Variants in CMSS1 observed in about 807,000 individuals in gnomAD.
CMSS1 encodes the protein protein CMSS1.
A neutral mutation model predicts 43.5 loss-of-function variants in CMSS1; 33 were observed. That is an observed-to-expected ratio of 0.76 (90% confidence interval 0.57 to 1.01). The LOEUF (loss-of-function observed/expected upper bound fraction) is 1.01, where lower values mean the gene tolerates loss of function less well. Among genes scored for constraint, CMSS1 ranks in the 50% least tolerant of loss-of-function variants. The pLI, the probability that CMSS1 is intolerant of heterozygous loss-of-function variation, is 0.00. For missense variants in CMSS1, 313 were observed against 326.4 expected (o/e 0.96, Z 0.32); for synonymous variants, 115 against 117.2 (o/e 0.98, Z 0.12).
intron 1 of CMSS1, among the ~76,000 whole-genome samples, chr3:99,844,195 C>T (rs192754389): frequency 7.4e-4 from 113 of 152,214 alleles, no homozygotes; most frequent in African/African-American, 2.6e-3. Context: ...TTTGAAGTAC[C>T]GTTTTAGGGC....
chr3:99,862,742 C>T (rs919990848), intron 1 of CMSS1, among the ~76,000 whole-genome samples: 5 of 152,238 alleles, frequency 3.3e-5, no homozygotes, highest in South Asian at 4.1e-4. Context: ...TCTTTGTGTT[C>T]GTTGTCTCTG....
chr3:100,044,578 A>C (rs147645352), intron 1 of CMSS1, among the ~76,000 whole-genome samples: 2 of 152,312 alleles, frequency 1.3e-5, no homozygotes, highest in Non-Finnish European at 2.9e-5. Flanking sequence ...CCAGTGAAAG[A>C]GAGGGAAGTA....
chr3:99,973,669 T>G (rs554823673), intron 1 of CMSS1, among the ~76,000 whole-genome samples: 1 of 152,206 alleles, frequency 6.6e-6, no homozygotes. Context: ...GTAAGAAGAA[T>G]AATAAACACA....
chr3:100,090,617 C>T (rs1286286236), intron 1 of CMSS1, among the ~76,000 whole-genome samples: 2 of 152,178 alleles, frequency 1.3e-5, no homozygotes, highest in African/African-American at 4.8e-5. Context: ...CCAAAGCCTT[C>T]CTGGTGTTGC....
rs1202765203 is a variant in CMSS1 at position 100,171,866 on chromosome 3, CAA to C, written c.548_549del (p.Lys183SerfsTer34). 2 of 1,613,880 alleles carry C rather than the reference CAA, an allele frequency of 1.2e-6. No individual in the cohort carries two copies. The highest frequency in any genetic ancestry group is 1.7e-5 in the Admixed American group (1 of 59,938). On this transcript the variant is annotated frameshift_variant, in exon 7 of 10. Transcript: ENST00000421999. LOFTEE classifies it high-confidence loss of function. Reference protein sequence around the residue: ...RSMTAFRGDGKVIKLFAKHIK... With the variant: ...RSMTAFRGDGXVIKLFAKHIK... ...CGATGACAGCATTCAGAGGAGACGG[CAA>C]AGTTATAAAATTATTTGCAAAGCAC...
At chr3:99,833,007 C>T in intron 1 of CMSS1, 2 of 518,978 alleles carry the variant, frequency 3.9e-6, no homozygotes, top group Non-Finnish European at 3.4e-6. Flanking sequence ...ATTTGGAATG[C>T]ATATTGCAAG....
At chr3:100,166,299 A>C in intron 4 of CMSS1, 36 bp from the exon 5 acceptor site, 1 of 1,420,562 alleles carries the variant, frequency 7.0e-7, no homozygotes. Flanking sequence ...GTGTGTTTAC[A>C]AAATTATCTA....
intron 1 of CMSS1, among the ~76,000 whole-genome samples, chr3:99,872,906 G>C (rs1228646322): frequency 6.6e-6 from 1 of 151,804 alleles, no homozygotes; most frequent in Non-Finnish European, 1.5e-5. Context: ...AGGTCAAGGA[G>C]AATCTCAAGT....
intron 1 of CMSS1, among the ~76,000 whole-genome samples, chr3:99,958,409 A>G (rs1272395569): frequency 2.0e-5 from 3 of 152,082 alleles, no homozygotes; most frequent in Non-Finnish European, 4.4e-5. Flanking sequence ...AAAAGCTGCT[A>G]CAGTGGGCAG....
At chr3:99,925,850 C>G (rs527975839) in intron 1 of CMSS1, 1 of 985,388 alleles carries the variant, frequency 1.0e-6, no homozygotes, top group African/African-American at 1.7e-5. Flanking sequence ...GACAGCCAAG[C>G]TCACTGGGCT....
intron 1 of CMSS1, 82 bp downstream of exon 1, chr3:99,818,125 C>G: frequency 1.4e-6 from 2 of 1,388,462 alleles, no homozygotes; most frequent in Non-Finnish European, 2.0e-6. Flanking sequence ...TTCTGGCGAT[C>G]GCGGTGTTTG....
intron 1 of CMSS1, among the ~76,000 whole-genome samples, chr3:100,028,397 A>G (rs1377012581): frequency 6.6e-6 from 1 of 152,178 alleles, no homozygotes; most frequent in Non-Finnish European, 1.5e-5. Context: ...GGTTATTGCT[A>G]TATTCCAGGC....
intron 1 of CMSS1, among the ~76,000 whole-genome samples, chr3:99,922,456 G>GA (rs1707155230): frequency 6.6e-6 from 1 of 152,056 alleles, no homozygotes; most frequent in Non-Finnish European, 1.5e-5. Flanking sequence ...GCCGTGTAGT[G>GA]AAAAATAAAC....
chr3:99,983,430 A>G (rs1218105896), intron 1 of CMSS1, among the ~76,000 whole-genome samples: 36 of 93,728 alleles, frequency 3.8e-4, no homozygotes, highest in African/African-American at 1.7e-3. Flanking sequence ...GTATGTATGT[A>G]TGTATATATA....
intron 1 of CMSS1, among the ~76,000 whole-genome samples, chr3:99,963,848 T>C (rs9817005): frequency 0.73 from 111,663 of 151,938 alleles, 41,739 homozygotes; most frequent in African/African-American, 0.88. Flanking sequence ...GAACTCCTCA[T>C]CTTGTGATCT....
chr3:100,110,036 T>C (rs549570145), intron 1 of CMSS1: 1 of 151,024 alleles, frequency 6.6e-6, no homozygotes, highest in East Asian at 2.0e-4. Context: ...TCATCTGAAA[T>C]AGAACCAGCC....
chr3:100,066,331 C>T (rs1183095605), intron 1 of CMSS1, among the ~76,000 whole-genome samples: 2 of 152,142 alleles, frequency 1.3e-5, no homozygotes, highest in Non-Finnish European at 2.9e-5. Flanking sequence ...TTTCAGATGA[C>T]AGTTACACTT....
At chr3:99,885,281 A>T (rs1026724779) in intron 1 of CMSS1, among the ~76,000 whole-genome samples, 5 of 152,168 alleles carry the variant, frequency 3.3e-5, no homozygotes, top group Non-Finnish European at 5.9e-5. Flanking sequence ...TTGTAGGGCT[A>T]TTTCATGGGG....
chr3:99,940,614 C>A (rs1327812416), intron 1 of CMSS1, among the ~76,000 whole-genome samples: 1 of 152,310 alleles, frequency 6.6e-6, no homozygotes, highest in Non-Finnish European at 1.5e-5. Flanking sequence ...ACTTCTTGTT[C>A]ATAGGCCAAC....
Sources: allele counts gnomAD v4.1 joint callset (sites outside exome capture counted in the v4.1 genomes callset), GRCh38; gene constraint gnomAD v4.1.1; transcripts MANE v1.5; gene names NCBI Gene and HGNC (gene_info 2026-07-23, HGNC 2026-07-21).